Variants in STARD5 observed in about 807,000 individuals in gnomAD.
STARD5 encodes StAR related lipid transfer domain containing 5.
STARD5 carries 26 observed loss-of-function variants against 24.6 expected under a neutral mutation model. The ratio of observed to expected loss-of-function variants is 1.06; its 90% CI spans 0.77 to 1.47. The LOEUF (loss-of-function observed/expected upper bound fraction) is 1.47. Ranked by LOEUF, STARD5 falls within the 40% of genes most tolerant of loss-of-function variation. The pLI, the probability that STARD5 is intolerant of heterozygous loss-of-function variation, is 0.00. For missense variants in STARD5, 254 were observed against 270.8 expected (o/e 0.94, Z 0.44); for synonymous variants, 101 against 99.7 (o/e 1.01, Z -0.07).
rs1157957091 is a variant in STARD5, at chr15:81,318,501, GGC to G, written c.401-1_401del. 6.2e-7 allele frequency: 1 copy of G among 1,613,804 alleles called. No homozygotes were observed. Among genetic ancestry groups the G allele is most frequent in the East Asian group, 2.2e-5 (1 of 44,858 alleles). ...GACATAACGGATGCTCCACATGGGT[GGC>G]TGGAAGACAGTGCAGAATCTCGGTG... On this transcript the variant is annotated splice_acceptor_variant and coding_sequence_variant, in exon 5 of 6. Coordinates refer to ENST00000302824, the MANE Select transcript of STARD5 (RefSeq NM_181900.3). LOFTEE classifies it high-confidence loss of function.
At chr15:81,316,155 A>C (rs1238239853) in intron 5 of STARD5, among the ~76,000 whole-genome samples, 1 of 151,998 alleles carries the variant, frequency 6.6e-6, no homozygotes, top group Non-Finnish European at 1.5e-5. Context: ...CTCCACCAAC[A>C]CGCCCAAGAC....
In STARD5 at chr15:81,310,781, GA is replaced by G. The variant is rs1243589878; in HGVS notation, c.*2474del. Reference sequence around the variant, plus strand: ...GTTTTCATCAAGACTGGAAGGTGGGGACAGGGATGAGCATGGAGCTGGCCGT... The same window carrying G: ...GTTTTCATCAAGACTGGAAGGTGGGGCAGGGATGAGCATGGAGCTGGCCGT... On this transcript the variant is annotated 3_prime_UTR_variant, in exon 6 of 6. Coordinates refer to ENST00000302824, the MANE Select transcript of STARD5 (RefSeq NM_181900.3). 1.3e-5 allele frequency: 2 copies of G among 152,300 alleles called. No homozygotes were observed. The highest frequency in any genetic ancestry group is 4.8e-5 in the African/African-American group (2 of 41,440). The allele number at this position is 152,300 out of a possible 1,614,324, so 9.4% of individuals were successfully genotyped here.
At chr15:81,322,689 C>T (rs994887306) in intron 2 of STARD5, 149 bp from the exon 3 acceptor site, 39 of 1,356,560 alleles carry the variant, frequency 2.9e-5, no homozygotes, top group Admixed American at 1.0e-4. Context: ...TCACTAGCCC[C>T]GCCTCCCTTC....
At chr15:81,316,999 C>G (rs956740493) in intron 5 of STARD5, among the ~76,000 whole-genome samples, 1 of 152,038 alleles carries the variant, frequency 6.6e-6, no homozygotes, top group Non-Finnish European at 1.5e-5. Context: ...GAGTTCAAGA[C>G]CAGCCTGGAC....
In STARD5 at chr15:81,310,742, G is replaced by C. The variant is rs1183949055; in HGVS notation, c.*2514C>G. 6.6e-6 allele frequency: 1 copy of C among 152,212 alleles called. No individual in the cohort carries two copies. The highest frequency in any genetic ancestry group is 1.5e-5 in the Non-Finnish European group (1 of 68,096). The allele number at this position is 152,212 out of a possible 1,614,324, so 9.4% of individuals were successfully genotyped here. On this transcript the variant is annotated 3_prime_UTR_variant, in exon 6 of 6. Transcript: ENST00000302824. ...AAGTCTTATCAAGCAGCCAAGGGAT[G>C]AAAGAGAAGGTGGGTTTTCATCAAG...
At chr15:81,323,090 C>T (rs1005387622) in intron 1 of STARD5, 142 bp from the exon 2 acceptor site, 11 of 826,442 alleles carry the variant, frequency 1.3e-5, no homozygotes, top group African/African-American at 1.0e-4. Flanking sequence ...CGTGGAAAAG[C>T]TGGGACTAGT....
At chr15:81,319,520 C>T (rs765648176) in intron 3 of STARD5, 64 bp from the exon 4 acceptor site, 23 of 1,433,326 alleles carry the variant, frequency 1.6e-5, no homozygotes, top group Non-Finnish European at 2.3e-5. Context: ...AACTCCCACC[C>T]CATCCCTCAA....
intron 3 of STARD5, among the ~76,000 whole-genome samples, chr15:81,319,799 G>C (rs1901159367): frequency 6.6e-6 from 1 of 152,178 alleles, no homozygotes; most frequent in Admixed American, 6.5e-5. Flanking sequence ...TTAGAAATAG[G>C]AATCATTAAT....
In STARD5 at chr15:81,324,091, CG is replaced by C; in HGVS notation, c.8del (p.Pro3ArgfsTer7). The C allele has an allele frequency of 6.7e-7, 1 of 1,489,274 alleles. No individual in the cohort carries two copies. 92.3% of individuals were successfully genotyped at this position (1,489,274 alleles called of 1,614,324 possible). A position where few individuals can be genotyped will look rare whatever the true frequency, so the allele number is the denominator to read the frequency against. ...CCTCGCTCATCTGGGCTGCCAGCGC[CG>C]GGTCCATTGCGTCGGGAGCTGCGCT... MD[P>X]ALAAQMSEAV... On this transcript the variant is annotated frameshift_variant, in exon 1 of 6. Transcript: ENST00000302824. LOFTEE classifies it high-confidence loss of function.
rs1335167814 is a variant in STARD5, at chr15:81,323,112, C to T, written c.100-164G>A. 3 of 667,374 alleles carry T rather than the reference C, an allele frequency of 4.5e-6. No individual in the cohort carries two copies. In the African/African-American group the frequency reaches 5.5e-5, roughly 12 times the overall value. The allele number at this position is 667,374 out of a possible 1,614,324, so 41.3% of individuals were successfully genotyped here. Reference sequence around the variant, plus strand: ...AAGCTGGGACTAGTCTTGGGCAAAGCTGTCCCCACAGCAGAATGTGATGAA... The same window carrying T: ...AAGCTGGGACTAGTCTTGGGCAAAGTTGTCCCCACAGCAGAATGTGATGAA... On this transcript the variant is annotated intron_variant, in intron 1 of 5. Coordinates refer to ENST00000302824, the MANE Select transcript of STARD5 (RefSeq NM_181900.3).
chr15:81,321,533 C>T (rs1373933002), intron 3 of STARD5, among the ~76,000 whole-genome samples: 6 of 151,212 alleles, frequency 4.0e-5, no homozygotes, highest in African/African-American at 7.3e-5. Context: ...TCACTTGAAC[C>T]CAGGAGGCAG....
intron 5 of STARD5, among the ~76,000 whole-genome samples, chr15:81,315,356 T>C (rs954992355): frequency 1.3e-5 from 2 of 152,116 alleles, no homozygotes; most frequent in Non-Finnish European, 2.9e-5. Context: ...GGACAAACTC[T>C]CTTCGTCACA....
chr15:81,310,199 G>A lies in STARD5; in HGVS notation c.*3057C>T, dbSNP rs1900781079. ...GGGAAGACCTGGCAAGGACACAGATGAAACACAAACAATAGTAATTCTCAG... is the reference window on the plus strand; with the variant it reads ...GGGAAGACCTGGCAAGGACACAGATAAAACACAAACAATAGTAATTCTCAG... On this transcript the variant is annotated 3_prime_UTR_variant, in exon 6 of 6. Transcript: ENST00000302824. 1 of 152,238 alleles carries A rather than the reference G, an allele frequency of 6.6e-6. No individual in the cohort carries two copies. Among genetic ancestry groups the A allele is most frequent in the Non-Finnish European group, 1.5e-5 (1 of 68,052 alleles). 9.4% of individuals were successfully genotyped at this position (152,238 alleles called of 1,614,324 possible).
chr15:81,319,165 G>A (rs1017023557), intron 4 of STARD5, among the ~76,000 whole-genome samples, 174 bp downstream of exon 4: 2 of 151,988 alleles, frequency 1.3e-5, no homozygotes, highest in African/African-American at 2.4e-5. Context: ...ACTGTCTTGC[G>A]TCAGACCCCC....
rs1457494225 is a variant in STARD5 at position 81,310,965 on chromosome 15, C to T, written c.*2291G>A. On this transcript the variant is annotated 3_prime_UTR_variant, in exon 6 of 6. Transcript: ENST00000302824. ...CCTGTTTTAGAAGGTTCTCTCCTCC[C>T]CAAGGAGACACAACAACTCCTAGGG... The T allele has an allele frequency of 6.6e-6, 1 of 152,248 alleles. No individual in the cohort carries two copies. Among genetic ancestry groups the T allele is most frequent in the African/African-American group, 2.4e-5 (1 of 41,436 alleles). The allele number at this position is 152,248 out of a possible 1,614,324, so 9.4% of individuals were successfully genotyped here.
chr15:81,323,694 T>A, intron 1 of STARD5: 1 of 924,682 alleles, frequency 1.1e-6, no homozygotes, highest in East Asian at 2.5e-5. Flanking sequence ...ACCCCTTAAA[T>A]GCAATTTATT....
intron 5 of STARD5, among the ~76,000 whole-genome samples, chr15:81,315,886 G>A (rs1207573096): frequency 1.3e-5 from 2 of 152,174 alleles, no homozygotes; most frequent in Non-Finnish European, 2.9e-5. Flanking sequence ...CCTCTTTGGG[G>A]AAGCAGGGCA....
At chr15:81,322,851 G>C in intron 2 of STARD5, 48 bp downstream of exon 2, 1 of 1,612,120 alleles carries the variant, frequency 6.2e-7, no homozygotes, top group Non-Finnish European at 8.5e-7. Context: ...AAAGATACCA[G>C]GAAGGGTGCG....
Position 81,313,007 on chromosome 15 carries a change from CGT to C in STARD5, c.*247_*248del, listed in dbSNP as rs141757676. 29,046 of 294,086 alleles carry C rather than the reference CGT, an allele frequency of 0.099. 1,522 individuals are homozygous for C. Among genetic ancestry groups the C allele is most frequent in the Middle Eastern group, 0.18 (183 of 1,042 alleles). The allele number at this position is 294,086 out of a possible 1,614,324, so 18.2% of individuals were successfully genotyped here. A position where few individuals can be genotyped will look rare whatever the true frequency, so the allele number is the denominator to read the frequency against. ...CCTGGGTCTACCCTGCCAGGAGAGGCGTGTTTGGGTAACAGGCAGATGGAGTT... is the reference window on the plus strand; with the variant it reads ...CCTGGGTCTACCCTGCCAGGAGAGGCGTTTGGGTAACAGGCAGATGGAGTT... On this transcript the variant is annotated 3_prime_UTR_variant, in exon 6 of 6. Coordinates refer to ENST00000302824, the MANE Select transcript of STARD5 (RefSeq NM_181900.3).
Sources: gnomAD v4.1 joint callset for allele counts (sites outside exome capture counted in the v4.1 genomes callset) on GRCh38, gnomAD v4.1.1 for gene constraint, MANE v1.5 for transcripts, NCBI Gene and HGNC (gene_info 2026-07-23, HGNC 2026-07-21) for gene names.